The following ROBO2 variants were observed in gnomAD, a reference collection of about 807,000 sequenced individuals.
The protein encoded by ROBO2 is roundabout guidance receptor 2.
ROBO2 carries 53 observed loss-of-function variants against 160.8 expected under a neutral mutation model. The observed-to-expected ratio is 0.33, with a 90% CI of 0.26 to 0.41. The LOEUF (loss-of-function observed/expected upper bound fraction) is 0.41, where lower values mean the gene tolerates loss of function less well. Ranked by LOEUF, ROBO2 falls within the 10% of genes least tolerant of loss-of-function variation. ROBO2 has a pLI of 1.00. For missense variants in ROBO2, 1,577 were observed against 1,722.4 expected, an observed-to-expected ratio of 0.92 and a Z score of 1.49; for synonymous variants, 664 against 611.7, an observed-to-expected ratio of 1.09 and a Z score of -1.26.
intron 2 of ROBO2, among the ~76,000 whole-genome samples, chr3:76,010,271 C>T (rs912454479): frequency 1.3e-5 from 2 of 152,292 alleles, no homozygotes; most frequent in African/African-American, 2.4e-5. Context: ...AAGACAATGA[C>T]GGGACCAGAA....
chr3:76,207,205 T>C (rs987302093), intron 2 of ROBO2, among the ~76,000 whole-genome samples: 2 of 152,164 alleles, frequency 1.3e-5, no homozygotes, highest in Non-Finnish European at 2.9e-5. Flanking sequence ...GCAGAAAATA[T>C]TTTATCTTCT....
chr3:77,026,889 C>T (rs913648513), intron 2 of ROBO2, among the ~76,000 whole-genome samples: 1 of 152,122 alleles, frequency 6.6e-6, no homozygotes, highest in African/African-American at 2.4e-5. Flanking sequence ...GACCAATCTA[C>T]AAATAGGTAC....
intron 2 of ROBO2, among the ~76,000 whole-genome samples, chr3:77,323,228 C>T (rs981792873): frequency 1.3e-5 from 2 of 151,344 alleles, no homozygotes; most frequent in Admixed American, 6.6e-5. Flanking sequence ...CATGTTCCCT[C>T]CTACCTTTAC....
chr3:76,435,374 G>T, intron 2 of ROBO2: 1 of 784,606 alleles, frequency 1.3e-6, no homozygotes, highest in Non-Finnish European at 2.4e-6. Flanking sequence ...AACAGTTCAA[G>T]ACCCTACAGC....
chr3:76,798,589 C>T (rs2063953104), intron 2 of ROBO2, among the ~76,000 whole-genome samples: 1 of 152,082 alleles, frequency 6.6e-6, no homozygotes, highest in South Asian at 2.1e-4. Context: ...ATGATAAAAG[C>T]CCTCAAAAAA....
At chr3:76,182,569 T>C (rs1701558143) in intron 2 of ROBO2, among the ~76,000 whole-genome samples, 1 of 152,064 alleles carries the variant, frequency 6.6e-6, no homozygotes, top group Non-Finnish European at 1.5e-5. Context: ...CTTCTAAATC[T>C]CTATAGGAGC....
intron 12 of ROBO2, among the ~76,000 whole-genome samples, chr3:77,567,878 C>T (rs1365115193): frequency 6.6e-6 from 1 of 151,958 alleles, no homozygotes; most frequent in Non-Finnish European, 1.5e-5. Flanking sequence ...ATTAACAGGT[C>T]CCTTAGCATC....
At chr3:77,608,102 C>T (rs531614177) in intron 21 of ROBO2, 148 bp downstream of exon 22, 12 of 748,816 alleles carry the variant, frequency 1.6e-5, no homozygotes, top group Non-Finnish European at 9.2e-6. Context: ...ATTGTTTGCA[C>T]TGTCTATATA....
chr3:77,269,901 A>G (rs1329196329), intron 2 of ROBO2, among the ~76,000 whole-genome samples: 1 of 152,154 alleles, frequency 6.6e-6, no homozygotes, highest in Non-Finnish European at 1.5e-5. Context: ...TTAAAAATAA[A>G]CTAAACTGCA....
chr3:76,392,377 G>T (rs1440792559), intron 2 of ROBO2, among the ~76,000 whole-genome samples: 3 of 152,082 alleles, frequency 2.0e-5, no homozygotes, highest in Non-Finnish European at 4.4e-5. Context: ...CTCATGAATT[G>T]TACAGTTCAG....
chr3:76,418,227 CAAATAG>C (rs778480387), intron 2 of ROBO2, among the ~76,000 whole-genome samples: 2 of 150,864 alleles, frequency 1.3e-5, no homozygotes, highest in African/African-American at 2.4e-5. Context: ...TGTCGCCAAA[CAAATAG>C]AGAGAGAGAG....
intron 2 of ROBO2, among the ~76,000 whole-genome samples, chr3:76,233,181 G>T (rs1576014147): frequency 1.3e-5 from 2 of 151,110 alleles, no homozygotes; most frequent in East Asian, 1.9e-4. Flanking sequence ...TCTCACTCTT[G>T]TCTCCCCGGA....
At chr3:77,451,712 C>T (rs1560871604) in intron 2 of ROBO2, among the ~76,000 whole-genome samples, 1 of 151,914 alleles carries the variant, frequency 6.6e-6, no homozygotes, top group Non-Finnish European at 1.5e-5. Context: ...CCCTTCTACT[C>T]TTTCTTTTTT....
At chr3:76,230,474 G>C (rs1431460997) in intron 2 of ROBO2, among the ~76,000 whole-genome samples, 1 of 152,054 alleles carries the variant, frequency 6.6e-6, no homozygotes, top group Non-Finnish European at 1.5e-5. Context: ...TGAGTGCTAA[G>C]CCACATCATC....
chr3:77,622,422 C>T (rs371120382), exon 23 of ROBO2: 1 of 1,614,062 alleles, frequency 6.2e-7, no homozygotes, highest in South Asian at 1.1e-5. Flanking sequence ...ATCTAGACAG[C>T]TCTGTGACAG....
At chr3:76,415,563 T>G (rs1416574456) in intron 2 of ROBO2, among the ~76,000 whole-genome samples, 1 of 152,198 alleles carries the variant, frequency 6.6e-6, no homozygotes, top group Admixed American at 6.5e-5. Flanking sequence ...ACTCAGTAGT[T>G]TGTCATCACT....
rs147204322 is a variant in ROBO2, at chr3:77,049,073, A to C, written c.61+8227A>C. Among the ~76,000 whole-genome samples the C allele has an allele frequency of 9.9e-3, 1,501 of 152,304 alleles. 12 individuals are homozygous for C. Among genetic ancestry groups the C allele is most frequent in the Non-Finnish European group, 0.015 (1,012 of 68,020 alleles). On this transcript the variant is annotated intron_variant, in intron 1 of 25. Transcript: ENST00000461745. ...GCTCGGCGCAGTGGCTCACCCCTGC[A>C]ATCCTAACAATTTGGGAGGCTGAAG...
rs556960742 is a variant in ROBO2 at position 77,449,763 on chromosome 3, A to T, written c.389-27651A>T. On this transcript the variant is annotated intron_variant, in intron 2 of 25. Transcript: ENST00000461745. ...AATCTGAGTTTATTTATATAAAATT[A>T]TTCAAGTGAAAAAAATAGTGTCTCT... Among the ~76,000 whole-genome samples, 10 of 152,234 alleles carry T rather than the reference A, an allele frequency of 6.6e-5. No homozygotes were observed. The East Asian group carries it at 1.9e-3, about 29-fold the overall frequency.
intron 2 of ROBO2, among the ~76,000 whole-genome samples, chr3:75,972,576 G>C (rs771028225): frequency 6.6e-6 from 1 of 151,670 alleles, no homozygotes; most frequent in Non-Finnish European, 1.5e-5. Context: ...GTTAGGGATT[G>C]CCTGGACAGA....
Sources: gnomAD v4.1 joint callset for allele counts (sites outside exome capture counted in the v4.1 genomes callset) on GRCh38, gnomAD v4.1.1 for gene constraint, MANE v1.5 for transcripts, NCBI Gene and HGNC (gene_info 2026-07-23, HGNC 2026-07-21) for gene names.